Variants in NRXN1 observed in about 807,000 individuals in gnomAD.
NRXN1 encodes neurexin-1.
NRXN1 carries 39 observed loss-of-function variants against 150.9 expected under a neutral mutation model. The ratio of observed to expected loss-of-function variants is 0.26; its 90% CI spans 0.20 to 0.34. NRXN1 has a LOEUF of 0.34. Ranked by LOEUF, NRXN1 falls within the 10% of genes least tolerant of loss-of-function variation. NRXN1 has a pLI of 1.00. For missense variants in NRXN1, 1,815 were observed against 1,949.9 expected, an observed-to-expected ratio of 0.93 and a Z score of 1.30; for synonymous variants, 924 against 757.0, an observed-to-expected ratio of 1.22 and a Z score of -3.62.
Position 50,084,697 on chromosome 2 carries a change from A to G in NRXN1, c.3718+6626T>C, listed in dbSNP as rs1698538586. On this transcript the variant is annotated intron_variant, in intron 19 of 22. Coordinates refer to ENST00000401669, the MANE Select transcript of NRXN1 (RefSeq NM_001330078.2). ...TGAAGGGCTCCTCAAGCGTGGCTGA[A>G]TGGGCGCCGAGGCCGAGGAGGCACC... Among the ~76,000 whole-genome samples the G allele has an allele frequency of 2.6e-5, 4 of 152,192 alleles. No individual in the cohort carries two copies. In the South Asian group the frequency reaches 8.3e-4, roughly 31 times the overall value.
chr2:50,999,558 C>T (rs1160369914), intron 2 of NRXN1, among the ~76,000 whole-genome samples: 1 of 151,970 alleles, frequency 6.6e-6, no homozygotes, highest in African/African-American at 2.4e-5. Flanking sequence ...AGGCACCCAG[C>T]TTTAAAATTT....
chr2:50,301,464 C>T (rs2074142571), intron 17 of NRXN1, among the ~76,000 whole-genome samples: 1 of 152,138 alleles, frequency 6.6e-6, no homozygotes, highest in Non-Finnish European at 1.5e-5. Context: ...ATTAAGGGAA[C>T]ATTTGTTTAA....
intron 17 of NRXN1, among the ~76,000 whole-genome samples, chr2:50,344,937 C>T (rs2077831019): frequency 6.6e-6 from 1 of 152,244 alleles, no homozygotes; most frequent in South Asian, 2.1e-4. Flanking sequence ...TTCCTGCACC[C>T]TGGCTTGCCT....
intron 17 of NRXN1, among the ~76,000 whole-genome samples, chr2:50,344,409 A>T (rs2077776067): frequency 6.6e-6 from 1 of 152,324 alleles, no homozygotes; most frequent in South Asian, 2.1e-4. Context: ...GAATCAGAAG[A>T]GGAGCAGCCT....
chr2:50,384,502 T>A (rs2081182311), intron 17 of NRXN1, among the ~76,000 whole-genome samples: 1 of 64,098 alleles, frequency 1.6e-5, no homozygotes, highest in African/African-American at 8.9e-5. Flanking sequence ...CAAGACTCCA[T>A]CTCAAAAAAA....
intron 17 of NRXN1, among the ~76,000 whole-genome samples, chr2:50,385,327 T>C (rs2081257664): frequency 6.6e-6 from 1 of 152,186 alleles, no homozygotes; most frequent in Admixed American, 6.5e-5. Context: ...ACAATTTACT[T>C]CTCTCTGCAG....
At chr2:50,035,283 C>G (rs1689853089) in intron 21 of NRXN1, among the ~76,000 whole-genome samples, 1 of 152,064 alleles carries the variant, frequency 6.6e-6, no homozygotes, top group Non-Finnish European at 1.5e-5. Flanking sequence ...TTGAATTAAA[C>G]TATCATGTTT....
chr2:50,312,719 A>G, intron 17 of NRXN1: 1 of 515,798 alleles, frequency 1.9e-6, no homozygotes, highest in Non-Finnish European at 3.9e-6. Flanking sequence ...AAATGCTTCT[A>G]TCAGATTTGT....
At chr2:50,727,104 G>A (rs1393181977) in intron 5 of NRXN1, among the ~76,000 whole-genome samples, 1 of 142,448 alleles carries the variant, frequency 7.0e-6, no homozygotes, top group Non-Finnish European at 1.6e-5. Flanking sequence ...TATAAAAAAA[G>A]GTCTTAAAAA....
In NRXN1 at chr2:50,897,421, T is replaced by C. The variant is rs924545485; in HGVS notation, c.832+24448A>G. Among the ~76,000 whole-genome samples, 4 of 152,190 alleles carry C rather than the reference T, an allele frequency of 2.6e-5. No homozygotes were observed. In the South Asian group the frequency reaches 8.3e-4, roughly 31 times the overall value. On this transcript the variant is annotated intron_variant, in intron 5 of 22. Transcript: ENST00000401669. ...CAACATCTATGCTCAGAATGATGAA[T>C]CAATTAACCAACAAACCTCTACTAT...
intron 18 of NRXN1, among the ~76,000 whole-genome samples, chr2:50,184,149 A>G (rs955635658): frequency 5.9e-5 from 9 of 152,090 alleles, no homozygotes; most frequent in Non-Finnish European, 1.2e-4. Flanking sequence ...AATTCATATT[A>G]AACAAAAAAC....
intron 17 of NRXN1, among the ~76,000 whole-genome samples, chr2:50,444,433 C>A (rs905463883): frequency 4.6e-5 from 7 of 152,078 alleles, no homozygotes; most frequent in African/African-American, 1.7e-4. Context: ...GTCATATACT[C>A]AATATTGTTT....
At chr2:50,071,087 G>A (rs1356552213) in intron 19 of NRXN1, among the ~76,000 whole-genome samples, 3 of 152,158 alleles carry the variant, frequency 2.0e-5, no homozygotes, top group African/African-American at 7.2e-5. Context: ...GCACACACAT[G>A]TTCTTCTCCA....
chr2:50,912,440 G>T (rs775966745), intron 5 of NRXN1, among the ~76,000 whole-genome samples: 2 of 151,852 alleles, frequency 1.3e-5, no homozygotes, highest in Admixed American at 6.6e-5. Flanking sequence ...TCTCTCAGTG[G>T]TCCTGTCCTG....
intron 18 of NRXN1, among the ~76,000 whole-genome samples, chr2:50,166,806 T>C (rs1359860470): frequency 2.6e-5 from 4 of 152,114 alleles, no homozygotes; most frequent in Non-Finnish European, 5.9e-5. Flanking sequence ...TTTGAATCCT[T>C]ATTAGAATCT....
chr2:50,883,919 T>C (rs535144360), intron 5 of NRXN1, among the ~76,000 whole-genome samples: 1 of 151,792 alleles, frequency 6.6e-6, no homozygotes, highest in Non-Finnish European at 1.5e-5. Flanking sequence ...AGGGGTGCAG[T>C]GTGTAACAGC....
At chr2:50,005,731 C>T (rs1684655052) in intron 21 of NRXN1, among the ~76,000 whole-genome samples, 2 of 152,078 alleles carry the variant, frequency 1.3e-5, no homozygotes, top group Admixed American at 6.6e-5. Context: ...CAAAATTATT[C>T]ACTTCCCTGC....
intron 18 of NRXN1, among the ~76,000 whole-genome samples, chr2:50,147,713 T>C (rs932191919): frequency 7.2e-5 from 11 of 151,902 alleles, no homozygotes; most frequent in Admixed American, 7.2e-4. Flanking sequence ...AAAAACCACT[T>C]AGTTAGATTT....
intron 5 of NRXN1, among the ~76,000 whole-genome samples, chr2:50,886,875 A>G (rs528167464): frequency 6.6e-6 from 1 of 151,518 alleles, no homozygotes; most frequent in Non-Finnish European, 1.5e-5. Context: ...AATTAGGGTT[A>G]TTATCTCAAT....
Sources: gnomAD v4.1 joint callset for allele counts (sites outside exome capture counted in the v4.1 genomes callset) on GRCh38, gnomAD v4.1.1 for gene constraint, MANE v1.5 for transcripts, NCBI Gene and HGNC (gene_info 2026-07-23, HGNC 2026-07-21) for gene names.